Variants in ADAMTSL1 observed in about 807,000 individuals in gnomAD.
ADAMTSL1 encodes the protein ADAMTS-like protein 1.
In ADAMTSL1, 126 loss-of-function variants were observed where a neutral mutation model predicts 201.8. The observed-to-expected ratio is 0.62, with a 90% CI of 0.54 to 0.72. The LOEUF (loss-of-function observed/expected upper bound fraction) is 0.72. Among genes scored for constraint, ADAMTSL1 ranks in the 30% least tolerant of loss-of-function variants. The pLI is 0.00. For synonymous variants in ADAMTSL1, 1,121 were observed against 903.4 expected (o/e 1.24, Z -4.32); for missense variants, 2,679 against 2,277.8 (o/e 1.18, Z -3.59).
At chr9:17,947,668 T>C (rs1197526407) in intron 1 of ADAMTSL1, among the ~76,000 whole-genome samples, 3 of 152,146 alleles carry the variant, frequency 2.0e-5, no homozygotes, top group Admixed American at 2.0e-4. Flanking sequence ...CAAATGATTA[T>C]TGGCATTTAT....
chr9:18,068,302 A>G (rs1184006518), intron 1 of ADAMTSL1, among the ~76,000 whole-genome samples: 1 of 152,182 alleles, frequency 6.6e-6, no homozygotes, highest in Non-Finnish European at 1.5e-5. Flanking sequence ...AAAGAAAAAC[A>G]ACTAAAAATA....
In ADAMTSL1 at chr9:18,892,340, C is replaced by T. The variant is rs187942907; in HGVS notation, c.4644-49C>T. On this transcript the variant is annotated intron_variant, in intron 25 of 28. Transcript: ENST00000380548. ...TCGGTGGGGAGGAGGTCTCTTTTCC[C>T]CAGGGCCTGTCCCTTTAGGGCTCTC... 5 of 1,562,610 alleles carry T rather than the reference C, an allele frequency of 3.2e-6. No homozygotes were observed. In the Admixed American group the frequency reaches 7.4e-5, roughly 23 times the overall value.
chr9:18,238,014 G>A (rs912318045), intron 2 of ADAMTSL1, among the ~76,000 whole-genome samples: 8 of 152,200 alleles, frequency 5.3e-5, no homozygotes, highest in African/African-American at 1.9e-4. Flanking sequence ...GGAGGGAGGG[G>A]CTTCAATGAC....
At chr9:18,395,347 A>G (rs1817710106) in intron 2 of ADAMTSL1, among the ~76,000 whole-genome samples, 1 of 152,170 alleles carries the variant, frequency 6.6e-6, no homozygotes, top group African/African-American at 2.4e-5. Flanking sequence ...AAATGTGGGT[A>G]TTGGTTTTTG....
intron 2 of ADAMTSL1, among the ~76,000 whole-genome samples, chr9:18,239,505 G>A (rs998847303): frequency 5.3e-5 from 8 of 152,134 alleles, no homozygotes; most frequent in Middle Eastern, 3.2e-3. Context: ...TTGGGAGGCC[G>A]AGGCAAGTGG....
At chr9:18,841,988 G>A (rs1183841761) in intron 23 of ADAMTSL1, among the ~76,000 whole-genome samples, 1 of 151,632 alleles carries the variant, frequency 6.6e-6, no homozygotes, top group Non-Finnish European at 1.5e-5. Context: ...CAAAAAACCA[G>A]CTCCTGGATT....
At chr9:17,981,043 C>A (rs555430947) in intron 1 of ADAMTSL1, among the ~76,000 whole-genome samples, 215 of 152,282 alleles carry the variant, frequency 1.4e-3, no homozygotes, top group African/African-American at 4.9e-3. Context: ...AAGCCATTCA[C>A]GAGGGATTCA....
At chr9:18,594,923 G>A (rs529185857) in intron 4 of ADAMTSL1, among the ~76,000 whole-genome samples, 1 of 152,094 alleles carries the variant, frequency 6.6e-6, no homozygotes, top group Admixed American at 6.5e-5. Flanking sequence ...TTCTTCAAAG[G>A]GTGGTTTTCT....
chr9:18,461,221 C>T lies in ADAMTSL1; in HGVS notation c.208-43608C>T, dbSNP rs111872785. The stretch of plus-strand genomic sequence containing the variant: ...TAGTAAATATCAGTACCAAATATTG[C>T]GTATATTTTAACATATATTTTAATC... On this transcript the variant is annotated intron_variant, in intron 2 of 29. Coordinates refer to the ADAMTSL1 transcript ENST00000680146. 1.6e-3 allele frequency among the ~76,000 whole-genome samples: 247 copies of T among 151,920 alleles called. 1 individual carries two copies. Among genetic ancestry groups the T allele is most frequent in the African/African-American group, 5.4e-3 (222 of 41,472 alleles).
chr9:18,680,261 G>A (rs1830381682), intron 10 of ADAMTSL1, 51 bp from the exon 11 acceptor site: 2 of 1,564,340 alleles, frequency 1.3e-6, no homozygotes, highest in East Asian at 2.3e-5. Flanking sequence ...AGTCACTGAG[G>A]AGGCTTAGCA....
At chr9:18,319,924 C>T (rs948591712) in intron 2 of ADAMTSL1, among the ~76,000 whole-genome samples, 1 of 152,080 alleles carries the variant, frequency 6.6e-6, no homozygotes, top group African/African-American at 2.4e-5. Context: ...GTCAGAGAAA[C>T]ATATGAGTAG....
At chr9:18,162,757 C>A (rs1300003435) in intron 1 of ADAMTSL1, among the ~76,000 whole-genome samples, 21 of 151,838 alleles carry the variant, frequency 1.4e-4, no homozygotes. Context: ...GTATAAAATG[C>A]AAAATGTATG....
chr9:18,515,617 G>T (rs1818321499), intron 2 of ADAMTSL1, among the ~76,000 whole-genome samples: 1 of 152,184 alleles, frequency 6.6e-6, no homozygotes, highest in Admixed American at 6.5e-5. Flanking sequence ...TTACAGGGAT[G>T]AGCTACCACA....
chr9:18,142,381 C>G (rs1826439455), intron 1 of ADAMTSL1, among the ~76,000 whole-genome samples: 1 of 152,218 alleles, frequency 6.6e-6, no homozygotes, highest in Non-Finnish European at 1.5e-5. Context: ...GAATAGGGAA[C>G]AATGAAATTA....
At chr9:17,960,365 A>T (rs565634936) in intron 1 of ADAMTSL1, among the ~76,000 whole-genome samples, 2 of 152,308 alleles carry the variant, frequency 1.3e-5, no homozygotes, top group East Asian at 3.9e-4. Flanking sequence ...CCACATCGCT[A>T]ATTTCCTAGC....
intron 2 of ADAMTSL1, among the ~76,000 whole-genome samples, chr9:18,357,341 C>CA (rs1186363696): frequency 6.6e-6 from 1 of 151,872 alleles, no homozygotes; most frequent in Non-Finnish European, 1.5e-5. Context: ...TGTTGAGGTC[C>CA]AACAATTGGT....
chr9:18,315,529 A>T (rs552140266), intron 2 of ADAMTSL1, among the ~76,000 whole-genome samples: 1 of 152,208 alleles, frequency 6.6e-6, no homozygotes, highest in South Asian at 2.1e-4. Context: ...AGAGCGTGGC[A>T]TGGGTGGGCC....
chr9:18,333,096 A>T (rs1835097793), intron 2 of ADAMTSL1, among the ~76,000 whole-genome samples: 1 of 152,178 alleles, frequency 6.6e-6, no homozygotes, highest in African/African-American at 2.4e-5. Context: ...CTAGCAAGTA[A>T]AGGATTTGGT....
chr9:18,216,742 C>G lies in ADAMTSL1; in HGVS notation c.207+52761C>G, dbSNP rs557117653. Among the ~76,000 whole-genome samples, 82 of 151,350 alleles carry G rather than the reference C, an allele frequency of 5.4e-4. 1 individual carries two copies. The highest frequency in any genetic ancestry group is 1.9e-3 in the African/African-American group (78 of 41,164). ...TAGTTTTTTTCTCCTCCCTTCTACC[C>G]TGTCCTCTTGGTGAATGCTGACTCT... is the stretch of plus-strand genomic sequence containing the variant. On this transcript the variant is annotated intron_variant, in intron 2 of 29. Transcript: ENST00000680146.
Sources: gnomAD v4.1 joint callset for allele counts (sites outside exome capture counted in the v4.1 genomes callset) on GRCh38, gnomAD v4.1.1 for gene constraint, MANE v1.5 for transcripts, NCBI Gene and HGNC (gene_info 2026-07-23, HGNC 2026-07-21) for gene names.